The following NEK10 variants were observed in gnomAD, a reference collection of about 807,000 sequenced individuals.
The protein encoded by NEK10 is NIMA related kinase 10.
A neutral mutation model predicts 159.8 loss-of-function variants in NEK10; 122 were observed. The ratio of observed to expected loss-of-function variants is 0.76; its 90% confidence interval spans 0.66 to 0.89. The LOEUF (loss-of-function observed/expected upper bound fraction) is 0.89, where lower values mean the gene tolerates loss of function less well. NEK10 is among the 40% of genes least tolerant of loss of function. The pLI, the probability that NEK10 is intolerant of heterozygous loss-of-function variation, is 0.00. For synonymous variants in NEK10, 466 were observed against 457.1 expected, an observed-to-expected ratio of 1.02 and a Z score of -0.25; for missense variants, 1,342 against 1,323.1, an observed-to-expected ratio of 1.01 and a Z score of -0.22.
rs1214693908 is a variant in NEK10, at chr3:27,282,537, G to GTT, written c.2014+2063_2014+2064dup. Among the ~76,000 whole-genome samples the GTT allele has an allele frequency of 2.8e-3, 203 of 72,956 alleles. 19 individuals are homozygous for GTT. Among genetic ancestry groups the GTT allele is most frequent in the African/African-American group, 9.8e-3 (113 of 11,506 alleles). The allele number at this position is 72,956 out of a possible 152,430, so 47.9% of individuals were successfully genotyped here. On this transcript the variant is annotated intron_variant, in intron 22 of 35. Coordinates refer to ENST00000691995, the MANE Select transcript of NEK10 (RefSeq NM_001394966.1). ...TTCTGTTGTATATATACATAAATGT[G>GTT]TTATATATATATATATATATATACA...
At chr3:27,262,612 A>T (rs1055861099) in intron 22 of NEK10, among the ~76,000 whole-genome samples, 1 of 152,100 alleles carries the variant, frequency 6.6e-6, no homozygotes, top group Non-Finnish European at 1.5e-5. Context: ...CTTTTCTTCC[A>T]GTTGATCGAA....
chr3:27,331,416 C>A (rs969126585), intron 5 of NEK10, among the ~76,000 whole-genome samples: 1 of 152,000 alleles, frequency 6.6e-6, no homozygotes, highest in Non-Finnish European at 1.5e-5. Context: ...CAATAAGGAA[C>A]CTTCAAAGGT....
At chr3:27,135,786 C>CA (rs1943131432) in intron 31 of NEK10, among the ~76,000 whole-genome samples, 1 of 152,174 alleles carries the variant, frequency 6.6e-6, no homozygotes, top group African/African-American at 2.4e-5. Context: ...TTAGAATTTA[C>CA]AAACCCTGAA....
At chr3:27,285,134 A>AG (rs1230787281) in intron 20 of NEK10, among the ~76,000 whole-genome samples, 173 bp from the exon 21 acceptor site, 1 of 152,142 alleles carries the variant, frequency 6.6e-6, no homozygotes, top group African/African-American at 2.4e-5. Context: ...GGTGGAGGTG[A>AG]GGGGGTCTTA....
intron 32 of NEK10, among the ~76,000 whole-genome samples, chr3:27,120,803 C>T (rs543745203): frequency 5.3e-5 from 8 of 151,982 alleles, no homozygotes; most frequent in East Asian, 3.8e-4. Context: ...AATTTTAGAC[C>T]GTAAACGTTT....
chr3:27,232,553 G>GA (rs200486461), intron 23 of NEK10, among the ~76,000 whole-genome samples: 36,292 of 151,422 alleles, frequency 0.24, 4,639 homozygotes, highest in Middle Eastern at 0.38. Flanking sequence ...CACAGAATTA[G>GA]AAAAAAAATC....
At chr3:27,126,759 C>CA (rs149878878) in intron 32 of NEK10, among the ~76,000 whole-genome samples, 12,222 of 146,320 alleles carry the variant, frequency 0.084, 612 homozygotes, top group Middle Eastern at 0.21. Flanking sequence ...CACCTGGGAG[C>CA]AAAAAAAAAA....
intron 29 of NEK10, among the ~76,000 whole-genome samples, chr3:27,164,665 T>G (rs930532030): frequency 1.3e-5 from 2 of 152,240 alleles, no homozygotes; most frequent in Non-Finnish European, 2.9e-5. Flanking sequence ...CTTAACAATG[T>G]GGTCCAGGCC....
At chr3:27,353,185 A>T (rs2048094899) in intron 1 of NEK10, among the ~76,000 whole-genome samples, 1 of 152,140 alleles carries the variant, frequency 6.6e-6, no homozygotes, top group Admixed American at 6.5e-5. Flanking sequence ...GTTTGCTTTT[A>T]TTTTTCTTAA....
Position 27,286,558 on chromosome 3 carries a change from T to C in NEK10, c.1789+1140A>G, listed in dbSNP as rs575318348. Among the ~76,000 whole-genome samples the C allele has an allele frequency of 2.1e-5, 3 of 141,136 alleles. No individual in the cohort carries two copies. The East Asian group carries it at 6.0e-4, about 28-fold the overall frequency. The allele number at this position is 141,136 out of a possible 152,430, so 92.6% of individuals were successfully genotyped here. On this transcript the variant is annotated intron_variant, in intron 20 of 35. Transcript: ENST00000691995. ...CACCACGCCCAGCTTTTTTTTTTTT[T>C]TTTTTTTTTTAAGTAGAGACAGGGT... is the stretch of plus-strand genomic sequence containing the variant.
chr3:27,279,361 G>C lies in NEK10; in HGVS notation c.2014+5241C>G, dbSNP rs145623902. 8.7e-3 allele frequency among the ~76,000 whole-genome samples: 1,329 copies of C among 152,124 alleles called. 24 individuals carry two copies. Among genetic ancestry groups the C allele is most frequent in the African/African-American group, 0.03 (1,234 of 41,476 alleles). On this transcript the variant is annotated intron_variant, in intron 22 of 35. Transcript: ENST00000691995. ...AAAGAGAAAAATAAAACATAACAAG[G>C]CTGCCCCTCTGTGGTGACATGCTTT...
chr3:27,322,540 G>A (rs968291797), intron 5 of NEK10, among the ~76,000 whole-genome samples: 3 of 152,110 alleles, frequency 2.0e-5, no homozygotes, highest in Non-Finnish European at 2.9e-5. Flanking sequence ...AAGATCAAAC[G>A]AAAGAGCTAA....
At chr3:27,250,914 G>A (rs554631588) in intron 23 of NEK10, among the ~76,000 whole-genome samples, 12 of 152,080 alleles carry the variant, frequency 7.9e-5, no homozygotes, top group East Asian at 3.9e-4. Flanking sequence ...GGTTAAATCC[G>A]CCTAGTGTTC....
chr3:27,310,715 G>A, intron 9 of NEK10: 1 of 388,866 alleles, frequency 2.6e-6, no homozygotes, highest in Non-Finnish European at 4.5e-6. Context: ...GGTATTAAAT[G>A]GCATAGGAAA....
chr3:27,180,256 A>G (rs1947936979), intron 26 of NEK10, among the ~76,000 whole-genome samples: 1 of 151,928 alleles, frequency 6.6e-6, no homozygotes, highest in African/African-American at 2.4e-5. Flanking sequence ...TTAGACAGGC[A>G]TGGTGGTGCG....
chr3:27,159,355 T>C (rs559569262), intron 30 of NEK10, among the ~76,000 whole-genome samples: 82 of 152,170 alleles, frequency 5.4e-4, no homozygotes, highest in Non-Finnish European at 6.2e-4. Flanking sequence ...ACTATACTGG[T>C]TCTCATTTAC....
At chr3:27,115,204 C>T (rs769094416) in intron 35 of NEK10, among the ~76,000 whole-genome samples, 3 of 152,178 alleles carry the variant, frequency 2.0e-5, no homozygotes, top group African/African-American at 4.8e-5. Flanking sequence ...TCTATATCAG[C>T]TCTTAGATTT....
chr3:27,115,238 C>T (rs1940225772), intron 35 of NEK10, among the ~76,000 whole-genome samples: 1 of 152,182 alleles, frequency 6.6e-6, no homozygotes, highest in Admixed American at 6.5e-5. Flanking sequence ...AGGCTTCAAT[C>T]ACCTACAATG....
rs1020965552 is a variant in NEK10, at chr3:27,156,438, C to T, written c.2869+6263G>A. On this transcript the variant is annotated intron_variant, in intron 30 of 35. Coordinates refer to ENST00000691995, the MANE Select transcript of NEK10 (RefSeq NM_001394966.1). ...ACTAATATCTAGAATCTACAACAAA[C>T]TCAAAAAAATCAGTAAGTAAAAAAC... Among the ~76,000 whole-genome samples, 3 of 151,970 alleles carry T rather than the reference C, an allele frequency of 2.0e-5. 1 individual carries two copies. The highest frequency in any genetic ancestry group is 6.5e-5 in the Admixed American group (1 of 15,270).
Sources: allele counts gnomAD v4.1 joint callset (sites outside exome capture counted in the v4.1 genomes callset), GRCh38; gene constraint gnomAD v4.1.1; transcripts MANE v1.5; gene names NCBI Gene and HGNC (gene_info 2026-07-23, HGNC 2026-07-21).